IPO5: variants seen among roughly 807,000 people sequenced by gnomAD.
IPO5 encodes importin 5.
Under a neutral mutation model 143.3 loss-of-function variants are expected in IPO5, and 18 were observed. The observed-to-expected ratio is 0.13, with a 90% CI of 0.09 to 0.19. IPO5 has a LOEUF of 0.19. IPO5 is among the 10% of genes least tolerant of loss of function. The pLI, the probability that IPO5 is intolerant of heterozygous loss-of-function variation, is 1.00. For missense variants in IPO5, 1,013 were observed against 1,336.9 expected (o/e 0.76, Z 3.78); for synonymous variants, 477 against 465.7 (o/e 1.02, Z -0.31).
rs369118773 is a variant in IPO5 at position 97,985,401 on chromosome 13, A to G, written c.172-20A>G. The G allele has an allele frequency of 6.3e-7, 1 of 1,591,242 alleles. No homozygotes were observed. Among genetic ancestry groups the G allele is most frequent in the Non-Finnish European group, 8.6e-7 (1 of 1,160,248 alleles). ...AATGGCAGAGTGAATCTAGTTATTA[A>G]CAATGTTATCTGTTTATAGGCTAGA... On this transcript the variant is annotated intron_variant, in intron 5 of 28. Transcript: ENST00000651721.
At chr13:97,979,876 T>C (rs1446010285) in intron 4 of IPO5, 5 of 456,588 alleles carry the variant, frequency 1.1e-5, no homozygotes, top group Non-Finnish European at 2.2e-5. Context: ...ATATACCTGA[T>C]TGTTGAGGAA....
In IPO5 at chr13:98,010,006, T is replaced by G. The variant is rs1302834368; in HGVS notation, c.1926T>G (p.Leu642=). ...CTTCAATTAAGCCCGAAGTAGCCCT[T>G]TTAGATAGTAGGTGTCTTTAGAAGG... ...KTASIKPEVA[L]LDTQDMENMS... Residue 642 remains leucine, a synonymous_variant, in exon 19 of 29, where the codon CTT becomes CTG. Transcript: ENST00000651721. The G allele has an allele frequency of 6.2e-7, 1 of 1,613,992 alleles. No homozygotes were observed. Among genetic ancestry groups the G allele is most frequent in the East Asian group, 2.2e-5 (1 of 44,886 alleles).
intron 19 of IPO5, 25 bp downstream of exon 19, chr13:98,010,038 C>G (rs188443458): frequency 1.2e-6 from 2 of 1,613,368 alleles, no homozygotes; most frequent in East Asian, 4.5e-5. Context: ...AAGGAGCTAT[C>G]GGTTATAATA....
At chr13:97,956,545 C>T (rs2139460597) in intron 2 of IPO5, among the ~76,000 whole-genome samples, 1 of 152,308 alleles carries the variant, frequency 6.6e-6, no homozygotes, top group South Asian at 2.1e-4. Flanking sequence ...AGTACCCCAT[C>T]ACCTCTAGCT....
intron 27 of IPO5, among the ~76,000 whole-genome samples, chr13:98,020,591 GT>G (rs1456997856): frequency 6.6e-6 from 1 of 152,166 alleles, no homozygotes; most frequent in African/African-American, 2.4e-5. Flanking sequence ...TCGCTATCAG[GT>G]TTTTTCCCAT....
At chr13:97,968,563 A>G (rs745485129) in intron 2 of IPO5, among the ~76,000 whole-genome samples, 1 of 152,228 alleles carries the variant, frequency 6.6e-6, no homozygotes, top group Non-Finnish European at 1.5e-5. Context: ...TGTTAGGCAC[A>G]TGTGTTTAAA....
chr13:98,017,277 T>C (rs1246486191), intron 25 of IPO5, among the ~76,000 whole-genome samples: 18 of 151,728 alleles, frequency 1.2e-4, no homozygotes. Flanking sequence ...TTTTACCTTC[T>C]CTCACCCTTA....
intron 16 of IPO5, 71 bp from the exon 17 acceptor site, chr13:98,006,059 G>T (rs371607963): frequency 4.0e-6 from 4 of 989,170 alleles, no homozygotes; most frequent in Non-Finnish European, 4.8e-6. Flanking sequence ...AACTTGAAGG[G>T]AGTAGTAATT....
chr13:98,001,276 GTTT>G (rs924313028), intron 13 of IPO5, among the ~76,000 whole-genome samples: 1 of 152,118 alleles, frequency 6.6e-6, no homozygotes, highest in East Asian at 1.9e-4. Context: ...TTTCATTTGT[GTTT>G]TTTAATTATA....
At chr13:97,963,516 T>C (rs1045330654) in intron 2 of IPO5, among the ~76,000 whole-genome samples, 1 of 151,880 alleles carries the variant, frequency 6.6e-6, no homozygotes, top group African/African-American at 2.4e-5. Flanking sequence ...ACTACAGGCA[T>C]GCACCCTCAC....
chr13:97,992,944 T>A lies in IPO5; in HGVS notation c.722T>A (p.Val241Asp). ...GATGATTCTGTCCTAAAATCCCTCGTTGAGATTGCAGATACTGTTCCAAAG... is the reference window on the plus strand; with the variant it reads ...GATGATTCTGTCCTAAAATCCCTCGATGAGATTGCAGATACTGTTCCAAAG... ...QNDDSVLKSL[V>D]EIADTVPKYL... The change falls in exon 10 of 29, where the codon GTT becomes GAT. Residue 241 changes from valine (V) to aspartate (D), a missense_variant. Val to Asp is a radical substitution (Grantham distance 152, BLOSUM62 -3). Around this residue, in one of 2 missense-constraint regions of IPO5, gnomAD observed 328 missense variants for 342.0 expected, o/e 0.96. Transcript: ENST00000651721. 1 of 1,613,942 alleles carries A rather than the reference T, an allele frequency of 6.2e-7. No individual in the cohort carries two copies. The highest frequency in any genetic ancestry group is 8.5e-7 in the Non-Finnish European group (1 of 1,179,798).
rs540381346 is a variant in IPO5 at position 98,004,661 on chromosome 13, G to A, written c.1498-1469G>A. 3.7e-3 allele frequency among the ~76,000 whole-genome samples: 568 copies of A among 152,228 alleles called. 3 individuals are homozygous for A. Among genetic ancestry groups the A allele is most frequent in the African/African-American group, 0.013 (527 of 41,548 alleles). ...TACGAAGAGAAGGTAGCCTAGCAGA[G>A]GAGGAAAGACATTTCCTCTGGGGCC... On this transcript the variant is annotated intron_variant, in intron 16 of 28. Transcript: ENST00000651721.
chr13:98,024,022 T>C lies in IPO5; in HGVS notation c.*2200T>C, dbSNP rs1030814402. 4.6e-5 allele frequency: 7 copies of C among 152,226 alleles called. No individual in the cohort carries two copies. Among genetic ancestry groups the C allele is most frequent in the Admixed American group, 3.3e-4 (5 of 15,282 alleles). 9.4% of individuals were successfully genotyped at this position (152,226 alleles called of 1,614,324 possible). On this transcript the variant is annotated 3_prime_UTR_variant, in exon 29 of 29. Transcript: ENST00000651721. ...GGGTCTTGCATGTCAGCAAGTGATATATATTGTTTATAAATGCAAGCTATT... is the reference window on the plus strand; with the variant it reads ...GGGTCTTGCATGTCAGCAAGTGATACATATTGTTTATAAATGCAAGCTATT...
chr13:97,964,443 CTTTTTTTTTT>C (rs369952371), intron 2 of IPO5, among the ~76,000 whole-genome samples: 5 of 108,216 alleles, frequency 4.6e-5, no homozygotes, highest in African/African-American at 1.0e-4. Flanking sequence ...CCATTTCTTT[CTTTTTTTTTT>C]TTTTTTTTTT....
At chr13:97,994,646 C>T (rs1387706928) in intron 11 of IPO5, among the ~76,000 whole-genome samples, 1 of 152,148 alleles carries the variant, frequency 6.6e-6, no homozygotes, top group African/African-American at 2.4e-5. Flanking sequence ...TCTGAAAGAA[C>T]ATAGGGCCTG....
chr13:98,009,696 G>T (rs772454099), intron 18 of IPO5, among the ~76,000 whole-genome samples, 185 bp from the exon 19 acceptor site: 1 of 152,144 alleles, frequency 6.6e-6, no homozygotes, highest in Non-Finnish European at 1.5e-5. Context: ...AGTGTAGTGA[G>T]TTCACAGGGA....
chr13:97,996,641 C>G (rs12100125), intron 11 of IPO5, among the ~76,000 whole-genome samples: 4,214 of 152,130 alleles, frequency 0.028, 69 homozygotes, highest in Admixed American at 0.036. Flanking sequence ...CTCGCTCTGT[C>G]GTCCAGGCTG....
rs1970300 is a variant in IPO5 at position 97,975,467 on chromosome 13, G to A, written c.-4-1226G>A. Among the ~76,000 whole-genome samples, 400 of 152,320 alleles carry A rather than the reference G, an allele frequency of 2.6e-3. 3 individuals are homozygous for A. Among genetic ancestry groups the A allele is most frequent in the African/African-American group, 9.2e-3 (383 of 41,576 alleles). On this transcript the variant is annotated intron_variant, in intron 3 of 28. Coordinates refer to ENST00000651721, the MANE Select transcript of IPO5 (RefSeq NM_002271.6). ...GATCGCGCCACTGCACTCCAGCCTA[G>A]GCGACAGAGCAAGGCTTCCACTGAC...
At chr13:98,002,322 A>G in intron 13 of IPO5, 145 bp from the exon 14 acceptor site, 1 of 665,078 alleles carries the variant, frequency 1.5e-6, no homozygotes, top group South Asian at 2.7e-5. Context: ...GCCTATACAA[A>G]TGTTTTTATA....
Sources: allele counts gnomAD v4.1 joint callset (sites outside exome capture counted in the v4.1 genomes callset), GRCh38; gene constraint gnomAD v4.1.1; regional missense constraint gnomAD v4.1.1; transcripts MANE v1.5; gene names NCBI Gene and HGNC (gene_info 2026-07-23, HGNC 2026-07-21).